Variants in SLC43A1 observed in about 807,000 individuals in gnomAD.
SLC43A1 encodes large neutral amino acids transporter small subunit 3.
A neutral mutation model predicts 59.5 loss-of-function variants in SLC43A1; 31 were observed. That is an observed-to-expected ratio of 0.52 (90% CI 0.39 to 0.70). The LOEUF is 0.70. Ranked by LOEUF, SLC43A1 falls within the 30% of genes least tolerant of loss-of-function variation. The pLI, the probability that SLC43A1 is intolerant of heterozygous loss-of-function variation, is 0.00. For missense variants in SLC43A1, 598 were observed against 717.8 expected (o/e 0.83, Z 1.91); for synonymous variants, 259 against 290.9 (o/e 0.89, Z 1.12).
intron 7 of SLC43A1, 70 bp from the exon 8 acceptor site, chr11:57,494,241 G>T: frequency 6.8e-7 from 1 of 1,479,860 alleles, no homozygotes; most frequent in Non-Finnish European, 9.2e-7. Context: ...CCTAGTGCTC[G>T]GCGGCCATCC....
intron 2 of SLC43A1, among the ~76,000 whole-genome samples, chr11:57,501,616 T>C: frequency 6.6e-6 from 1 of 152,204 alleles, no homozygotes; most frequent in Non-Finnish European, 1.5e-5. Flanking sequence ...TGTCCAAGCT[T>C]AGGGGGTTGT....
Position 57,496,150 on chromosome 11 carries a change from G to A in SLC43A1, c.573C>T (p.Ala191=), listed in dbSNP as rs369572158. 13 of 1,613,932 alleles carry A rather than the reference G, an allele frequency of 8.1e-6. No individual in the cohort carries two copies. The highest frequency in any genetic ancestry group is 3.3e-5 in the South Asian group (3 of 91,076). ...TFPGIKLIYD[A]GVAFVVIMFT... is the part of the protein sequence containing the mutation. ...ACATGATGACCACGAAGGCCACACC[G>A]GCATCGTAGATCAGCTGTGAGAGGA... Residue 191 remains alanine (A), a synonymous_variant, in exon 7 of 15, where the codon GCC becomes GCT. Coordinates refer to ENST00000278426, the MANE Select transcript of SLC43A1 (RefSeq NM_003627.6).
chr11:57,496,101 G>A lies in SLC43A1; in HGVS notation c.622C>T (p.Leu208Phe), dbSNP rs1471790547. The change falls in exon 7 of 15, where the codon CTT becomes TTT. Residue 208 changes from leucine (L) to phenylalanine (F), a missense_variant. Transcript: ENST00000278426. ...IMFTWSGLACLIFLNCTLNWP... is the reference protein window; with the variant it reads ...IMFTWSGLACFIFLNCTLNWP... Reference sequence around the variant, plus strand: ...TTGAGGGTGCAGTTCAGAAAGATAAGGCAGGCCAGGCCAGACCAGGTGAAC... The same window carrying A: ...TTGAGGGTGCAGTTCAGAAAGATAAAGCAGGCCAGGCCAGACCAGGTGAAC... 1 of 1,614,038 alleles carries A rather than the reference G, an allele frequency of 6.2e-7. No individual in the cohort carries two copies. The highest frequency in any genetic ancestry group is 2.2e-5 in the East Asian group (1 of 44,886).
intron 2 of SLC43A1, among the ~76,000 whole-genome samples, chr11:57,505,525 AC>A (rs1230538503): frequency 2.7e-5 from 4 of 148,062 alleles, no homozygotes; most frequent in African/African-American, 1.0e-4. Context: ...AAAACTAACA[AC>A]AACAAAAAAA....
chr11:57,491,920 T>G (rs1943918096), intron 8 of SLC43A1, 58 bp from the exon 9 acceptor site: 11 of 1,552,856 alleles, frequency 7.1e-6, no homozygotes, highest in South Asian at 1.1e-5. Context: ...CCTCTGATTG[T>G]CCCAGCTCAT....
chr11:57,509,718 G>A (rs1049747531), intron 2 of SLC43A1, among the ~76,000 whole-genome samples: 1 of 130,854 alleles, frequency 7.6e-6, no homozygotes, highest in African/African-American at 3.5e-5. Flanking sequence ...GGGAGGGAGG[G>A]AAAGAAGGAA....
chr11:57,485,400 T>G (rs1244644419), intron 14 of SLC43A1, among the ~76,000 whole-genome samples, 158 bp from the exon 15 acceptor site: 7 of 152,252 alleles, frequency 4.6e-5, no homozygotes, highest in Non-Finnish European at 7.3e-5. Flanking sequence ...AGTATCTCAC[T>G]TAATGTTCAG....
rs1014094519 is a variant in SLC43A1 at position 57,486,238 on chromosome 11, G to A, written c.1533+857C>T. Among the ~76,000 whole-genome samples the A allele has an allele frequency of 3.9e-5, 6 of 152,244 alleles. No individual in the cohort carries two copies. The South Asian group carries it at 6.2e-4, about 16-fold the overall frequency. ...ACTGTGGCTCACGCCTGTAACCCCA[G>A]CACTCTGGGAGGCCAAGGTGAGAAG... On this transcript the variant is annotated intron_variant, in intron 14 of 14. Transcript: ENST00000278426.
chr11:57,512,339 C>T (rs1483479504), intron 2 of SLC43A1, among the ~76,000 whole-genome samples: 3 of 152,068 alleles, frequency 2.0e-5, no homozygotes, highest in Admixed American at 2.0e-4. Flanking sequence ...TGTCTATAAT[C>T]CCAGCACTGC....
chr11:57,485,249 G>A lies in SLC43A1; in HGVS notation c.1534-7C>T. The A allele has an allele frequency of 6.2e-7, 1 of 1,608,646 alleles. No homozygotes were observed. Among genetic ancestry groups the A allele is most frequent in the Non-Finnish European group, 8.5e-7 (1 of 1,177,314 alleles). On this transcript the variant is annotated splice_region_variant and splice_polypyrimidine_tract_variant and intron_variant, in intron 14 of 14. Transcript: ENST00000278426. ...GCAGGAGGCCCAGATTCACCTTTAG[G>A]GCAAGGAGAGAGAAACAGAGTCAAG...
chr11:57,491,506 G>C, intron 10 of SLC43A1, 85 bp downstream of exon 10: 1 of 1,591,644 alleles, frequency 6.3e-7, no homozygotes, highest in East Asian at 2.2e-5. Context: ...ACCTGGGTGG[G>C]CCCAGGCCTA....
chr11:57,508,268 A>AG (rs898817545), intron 2 of SLC43A1, among the ~76,000 whole-genome samples: 1 of 25,788 alleles, frequency 3.9e-5, no homozygotes, highest in Non-Finnish European at 1.3e-4. Flanking sequence ...TTCCATCTCC[A>AG]AAAAAAAAAA....
rs892711290 is a variant in SLC43A1, at chr11:57,514,841, C to T, written c.-14+603G>A. On this transcript the variant is annotated intron_variant, in intron 1 of 14. Transcript: ENST00000278426. This position sits in a 1 kb window ranked among gnomAD's most constrained non-coding sequence, Gnocchi z 5.5. ...GAACCCGCTTGCCCCCCTCCAGCCC[C>T]GGGAGGGGGCTCGGACTTCGGCAGG... is the stretch of plus-strand genomic sequence containing the variant. The T allele has an allele frequency of 1.0e-5, 10 of 985,546 alleles. No individual in the cohort carries two copies. Among genetic ancestry groups the T allele is most frequent in the Non-Finnish European group, 9.6e-6 (8 of 830,074 alleles). The allele number at this position is 985,546 out of a possible 1,614,324, so 61.1% of individuals were successfully genotyped here. A position where few individuals can be genotyped will look rare whatever the true frequency, so the allele number is the denominator to read the frequency against.
At chr11:57,513,281 T>A (rs1021748785) in intron 2 of SLC43A1, among the ~76,000 whole-genome samples, 6 of 152,206 alleles carry the variant, frequency 3.9e-5, no homozygotes, top group Non-Finnish European at 8.8e-5. Context: ...GCGGAGCTTG[T>A]CAGCACAGCT....
intron 10 of SLC43A1, 26 bp downstream of exon 10, chr11:57,491,565 C>T (rs1356859547): frequency 1.2e-6 from 2 of 1,613,670 alleles, no homozygotes; most frequent in Non-Finnish European, 8.5e-7. Flanking sequence ...TGGGCGTGAG[C>T]CAGGGCCCTG....
intron 6 of SLC43A1, among the ~76,000 whole-genome samples, chr11:57,497,327 A>C (rs1019067483): frequency 3.3e-5 from 5 of 152,202 alleles, no homozygotes. Context: ...AGCCTGGCAT[A>C]AACTCACTTT....
rs201258688 is a variant in SLC43A1, at chr11:57,489,225, G to A, written c.1335+26C>T. ...CTTTGGAGGAGCCTCGGGAGGCAGG[G>A]AGAGGGGAAGGATGAAGGTGGGTAC... On this transcript the variant is annotated intron_variant, in intron 12 of 14. Transcript: ENST00000278426. 5 of 1,613,964 alleles carry A rather than the reference G, an allele frequency of 3.1e-6. No homozygotes were observed. The East Asian group carries it at 8.9e-5, about 29-fold the overall frequency.
Position 57,514,765 on chromosome 11 carries a change from C to T in SLC43A1, c.-13-641G>A. ...CTCTCCTCGGTTCCCTCCTCCCCCG[C>T]GCGCCCCTCACTCACTCCGCAGGGC... On this transcript the variant is annotated intron_variant, in intron 1 of 14. Coordinates refer to ENST00000278426, the MANE Select transcript of SLC43A1 (RefSeq NM_003627.6). This position sits in a 1 kb window ranked among gnomAD's most constrained non-coding sequence, Gnocchi z 5.5. 2 of 964,596 alleles carry T rather than the reference C, an allele frequency of 2.1e-6. No individual in the cohort carries two copies. The highest frequency in any genetic ancestry group is 5.3e-4 in the Middle Eastern group (1 of 1,880). 59.8% of individuals were successfully genotyped at this position (964,596 alleles called of 1,614,324 possible).
Position 57,487,223 on chromosome 11 carries a change from C to T in SLC43A1, c.1410-5G>A. 3 of 1,611,728 alleles carry T rather than the reference C, an allele frequency of 1.9e-6. No individual in the cohort carries two copies. Among genetic ancestry groups the T allele is most frequent in the Middle Eastern group, 1.7e-4 (1 of 5,882 alleles). On this transcript the variant is annotated splice_polypyrimidine_tract_variant and splice_region_variant and intron_variant, in intron 13 of 14. Coordinates refer to ENST00000278426, the MANE Select transcript of SLC43A1 (RefSeq NM_003627.6). Reference sequence around the variant, plus strand: ...CCAAAGTGGTTGGATGGGAACCTGTCCACGAGACGGGGAGTATCAGGGGTG... The same window carrying T: ...CCAAAGTGGTTGGATGGGAACCTGTTCACGAGACGGGGAGTATCAGGGGTG...
Sources: allele counts gnomAD v4.1 joint callset (sites outside exome capture counted in the v4.1 genomes callset), GRCh38; gene constraint gnomAD v4.1.1; non-coding constraint Gnocchi (gnomAD v3.1); transcripts MANE v1.5; gene names NCBI Gene and HGNC (gene_info 2026-07-23, HGNC 2026-07-21).